The following CNTNAP2 variants were observed in gnomAD, a reference collection of about 807,000 sequenced individuals.
CNTNAP2 encodes contactin-associated protein-like 2.
Under a neutral mutation model 155.2 loss-of-function variants are expected in CNTNAP2, and 98 were observed. The ratio of observed to expected loss-of-function variants is 0.63; its 90% CI spans 0.54 to 0.75. The LOEUF is 0.75. Among genes scored for constraint, CNTNAP2 ranks in the 30% least tolerant of loss-of-function variants. The pLI, the probability that CNTNAP2 is intolerant of heterozygous loss-of-function variation, is 0.00. For missense variants in CNTNAP2, 1,727 were observed against 1,688.1 expected, an observed-to-expected ratio of 1.02 and a Z score of -0.40; for synonymous variants, 651 against 631.2, an observed-to-expected ratio of 1.03 and a Z score of -0.47.
At chr7:148,171,582 C>T (rs898265734) in intron 17 of CNTNAP2, among the ~76,000 whole-genome samples, 3 of 152,184 alleles carry the variant, frequency 2.0e-5, no homozygotes, top group Non-Finnish European at 4.4e-5. Context: ...TCACAGTGAA[C>T]GTGCTTATTG....
chr7:146,552,529 T>A (rs1268976856), intron 1 of CNTNAP2, among the ~76,000 whole-genome samples: 1 of 152,156 alleles, frequency 6.6e-6, no homozygotes, highest in Non-Finnish European at 1.5e-5. Context: ...TTCCTGTTTT[T>A]GCTCCTACCC....
chr7:146,572,689 T>G (rs766746862), intron 1 of CNTNAP2, among the ~76,000 whole-genome samples: 1 of 152,292 alleles, frequency 6.6e-6, no homozygotes, highest in Non-Finnish European at 1.5e-5. Flanking sequence ...ATAATGGCAC[T>G]ATGTTAGATA....
chr7:148,299,364 G>A (rs1036029274), intron 21 of CNTNAP2, among the ~76,000 whole-genome samples: 7 of 152,194 alleles, frequency 4.6e-5, no homozygotes, highest in Admixed American at 2.0e-4. Context: ...AACAGAGCTG[G>A]GAAAAGGTGT....
At chr7:147,255,327 A>G (rs1804296900) in intron 8 of CNTNAP2, among the ~76,000 whole-genome samples, 1 of 152,034 alleles carries the variant, frequency 6.6e-6, no homozygotes, top group African/African-American at 2.4e-5. Context: ...GTTCAAGCAA[A>G]CTTCCCACCT....
intron 8 of CNTNAP2, among the ~76,000 whole-genome samples, chr7:147,134,667 A>T (rs1584747495): frequency 6.6e-6 from 1 of 151,982 alleles, no homozygotes; most frequent in South Asian, 2.1e-4. Context: ...ACCATAGGAC[A>T]TAATTTCCTC....
At position 146,806,998 on chromosome 7, in the gene CNTNAP2, G is replaced by A. The variant is rs1802979284; in HGVS notation, c.208+32617G>A. On this transcript the variant is annotated intron_variant, in intron 2 of 23. Coordinates refer to ENST00000361727, the MANE Select transcript of CNTNAP2 (RefSeq NM_014141.6). Reference sequence around the variant, plus strand: ...TTGGAACAATGCTTGGCAAACGAAAGCAACATAAGACTGCCCCTTAAATGA... The same window carrying A: ...TTGGAACAATGCTTGGCAAACGAAAACAACATAAGACTGCCCCTTAAATGA... Among the ~76,000 whole-genome samples the A allele has an allele frequency of 2.0e-5, 3 of 152,086 alleles. No individual in the cohort carries two copies. In the South Asian group the frequency reaches 6.2e-4, roughly 32 times the overall value.
rs556163777 is a variant in CNTNAP2 at position 146,289,724 on chromosome 7, C to A, written c.97+172751C>A. On this transcript the variant is annotated intron_variant, in intron 1 of 23. Transcript: ENST00000361727. ...TTATCAGAACAAAGAAAATTTCACACACACAATCTCTTTTACTAAAAAATA... is the reference window on the plus strand; with the variant it reads ...TTATCAGAACAAAGAAAATTTCACAAACACAATCTCTTTTACTAAAAAATA... Among the ~76,000 whole-genome samples the A allele has an allele frequency of 2.0e-3, 309 of 152,246 alleles. 3 individuals carry two copies. The highest frequency in any genetic ancestry group is 7.0e-3 in the African/African-American group (290 of 41,560).
intron 3 of CNTNAP2, among the ~76,000 whole-genome samples, chr7:146,921,119 T>C (rs1379291413): frequency 1.3e-5 from 2 of 152,148 alleles, no homozygotes; most frequent in East Asian, 1.9e-4. Context: ...ATTGGTTTCC[T>C]GGGGCATGCA....
chr7:148,054,329 C>G (rs1247198242), intron 15 of CNTNAP2, among the ~76,000 whole-genome samples: 1 of 151,784 alleles, frequency 6.6e-6, no homozygotes, highest in Non-Finnish European at 1.5e-5. Flanking sequence ...AGAGCTTCCT[C>G]GTCTGTAAAA....
chr7:147,378,823 T>C (rs1796485399), intron 9 of CNTNAP2, among the ~76,000 whole-genome samples: 1 of 152,112 alleles, frequency 6.6e-6, no homozygotes. Flanking sequence ...GGAGTATCCA[T>C]TTATTTCCTT....
chr7:147,461,042 T>A (rs1798013845), intron 10 of CNTNAP2, among the ~76,000 whole-genome samples: 1 of 152,190 alleles, frequency 6.6e-6, no homozygotes. Flanking sequence ...ATTTCCTAGA[T>A]GCACAGAGAA....
At chr7:147,540,098 T>C (rs1799612937) in intron 11 of CNTNAP2, among the ~76,000 whole-genome samples, 1 of 152,228 alleles carries the variant, frequency 6.6e-6, no homozygotes, top group Non-Finnish European at 1.5e-5. Context: ...CCTTCAAATG[T>C]TCTGCATTAC....
chr7:148,227,664 G>A (rs1013369851), intron 19 of CNTNAP2, among the ~76,000 whole-genome samples: 2 of 152,206 alleles, frequency 1.3e-5, no homozygotes, highest in African/African-American at 4.8e-5. Flanking sequence ...TTTAGGAGAC[G>A]AAAATCCAAT....
chr7:148,168,119 G>A (rs540198077), intron 17 of CNTNAP2, among the ~76,000 whole-genome samples: 1 of 152,082 alleles, frequency 6.6e-6, no homozygotes, highest in Non-Finnish European at 1.5e-5. Flanking sequence ...TGGTGGGACT[G>A]TAAACTAGTT....
chr7:146,824,027 C>G (rs1305825427), intron 2 of CNTNAP2, among the ~76,000 whole-genome samples: 3 of 152,024 alleles, frequency 2.0e-5, no homozygotes, highest in African/African-American at 7.2e-5. Context: ...CTAATGCTCT[C>G]CCTCCCCCAG....
chr7:147,521,673 C>T (rs1172610583), intron 11 of CNTNAP2, among the ~76,000 whole-genome samples: 1 of 152,122 alleles, frequency 6.6e-6, no homozygotes, highest in East Asian at 1.9e-4. Context: ...CCTGTCTTCA[C>T]TCGCCAGGAT....
At chr7:146,160,653 A>G (rs1224000926) in intron 1 of CNTNAP2, among the ~76,000 whole-genome samples, 1 of 152,196 alleles carries the variant, frequency 6.6e-6, no homozygotes, top group Admixed American at 6.5e-5. Context: ...CTTAACCAAG[A>G]AGAAGTTGAA....
intron 3 of CNTNAP2, among the ~76,000 whole-genome samples, chr7:146,984,891 T>A: frequency 6.6e-6 from 1 of 152,212 alleles, no homozygotes; most frequent in East Asian, 1.9e-4. Flanking sequence ...TCAAGCACAG[T>A]TCTTTTTAAG....
chr7:147,641,135 G>A (rs982243839), intron 13 of CNTNAP2, among the ~76,000 whole-genome samples: 3 of 152,204 alleles, frequency 2.0e-5, no homozygotes, highest in Non-Finnish European at 4.4e-5. Flanking sequence ...TCTAAGAGCG[G>A]GGGCTTTCCT....
Sources: gnomAD v4.1 joint callset for allele counts (sites outside exome capture counted in the v4.1 genomes callset) on GRCh38, gnomAD v4.1.1 for gene constraint, MANE v1.5 for transcripts, NCBI Gene and HGNC (gene_info 2026-07-23, HGNC 2026-07-21) for gene names.